PCSK6: variants seen among roughly 807,000 people sequenced by gnomAD.
PCSK6 encodes the protein proprotein convertase subtilisin/kexin type 6.
Under a neutral mutation model 123.3 loss-of-function variants are expected in PCSK6, and 85 were observed. The ratio of observed to expected loss-of-function variants is 0.69; its 90% CI spans 0.58 to 0.83. The LOEUF (loss-of-function observed/expected upper bound fraction) is 0.83, where lower values mean the gene tolerates loss of function less well. PCSK6 is among the 40% of genes least tolerant of loss of function. The pLI is 0.00. For missense variants in PCSK6, 1,191 were observed against 1,282.3 expected (o/e 0.93, Z 1.09); for synonymous variants, 508 against 516.0 (o/e 0.98, Z 0.21).
chr15:101,368,738 T>C (rs2041479480), intron 12 of PCSK6, among the ~76,000 whole-genome samples: 1 of 152,114 alleles, frequency 6.6e-6, no homozygotes, highest in African/African-American at 2.4e-5. Flanking sequence ...ACGGAAAACA[T>C]GGAGCACATG....
chr15:101,454,916 G>A (rs188812678), intron 1 of PCSK6, among the ~76,000 whole-genome samples: 1 of 151,962 alleles, frequency 6.6e-6, no homozygotes, highest in Non-Finnish European at 1.5e-5. Context: ...CTGCAGTCCA[G>A]CCTGGGCAAC....
In PCSK6 at chr15:101,313,439, G is replaced by A. The variant is rs1051896030; in HGVS notation, c.2636C>T (p.Pro879Leu). 22 of 1,612,386 alleles carry A rather than the reference G, an allele frequency of 1.4e-5. No homozygotes were observed. In the East Asian group the frequency reaches 4.9e-4, roughly 36 times the overall value. The change falls in exon 20 of 22, where the codon CCA becomes CTA. Residue 879 changes from proline to leucine, a missense_variant. Physicochemically the swap from Pro to Leu is moderately conservative, Grantham distance 98 (BLOSUM62 -3). Around this residue, in one of 3 missense-constraint regions of PCSK6, gnomAD observed 630 missense variants for 631.4 expected, o/e 1.00. Coordinates refer to ENST00000611716, the MANE Select transcript of PCSK6 (RefSeq NM_002570.5). ...TGGGTAGAAGCCCTCACCACAGGCT[G>A]GCACACACTTCCAGTCGTGGAAGTG... ...NFHFHDWKCV[P>L]ACGEGFYPEE...
At chr15:101,382,320 C>T in intron 10 of PCSK6, 111 bp from the exon 11 acceptor site, 5 of 829,890 alleles carry the variant, frequency 6.0e-6, no homozygotes, top group South Asian at 1.7e-5. Context: ...CCGTAAGACT[C>T]GAGGTCTCCT....
intron 1 of PCSK6, among the ~76,000 whole-genome samples, chr15:101,457,442 G>A (rs913986126): frequency 6.6e-6 from 1 of 152,222 alleles, no homozygotes; most frequent in African/African-American, 2.4e-5. Flanking sequence ...CACACAGAGA[G>A]CAGCCCCAGC....
intron 6 of PCSK6, among the ~76,000 whole-genome samples, chr15:101,421,398 C>G (rs755255466): frequency 6.6e-6 from 1 of 152,184 alleles, no homozygotes; most frequent in Non-Finnish European, 1.5e-5. Context: ...TCAAAAGGTG[C>G]GACCAAATTT....
chr15:101,388,935 C>T (rs1431956720), intron 9 of PCSK6, among the ~76,000 whole-genome samples: 1 of 152,074 alleles, frequency 6.6e-6, no homozygotes, highest in African/African-American at 2.4e-5. Context: ...AACTATGTCC[C>T]CTCCAAAATG....
At chr15:101,483,682 T>C (rs1317250581) in intron 1 of PCSK6, among the ~76,000 whole-genome samples, 1 of 152,206 alleles carries the variant, frequency 6.6e-6, no homozygotes, top group Non-Finnish European at 1.5e-5. Context: ...AGTCACAATG[T>C]CAAAGGTGAC....
chr15:101,345,225 C>A (rs954844837), intron 13 of PCSK6, among the ~76,000 whole-genome samples: 1 of 152,176 alleles, frequency 6.6e-6, no homozygotes, highest in Non-Finnish European at 1.5e-5. Context: ...ATTTAAAATT[C>A]TTTTCTGTGG....
chr15:101,416,095 C>T (rs1243314917), intron 6 of PCSK6, among the ~76,000 whole-genome samples: 2 of 152,138 alleles, frequency 1.3e-5, no homozygotes, highest in South Asian at 2.1e-4. Context: ...CAGAAGAAGA[C>T]AGGAAAATGT....
chr15:101,434,473 T>C (rs1242033266), intron 2 of PCSK6, among the ~76,000 whole-genome samples: 2 of 152,222 alleles, frequency 1.3e-5, no homozygotes, highest in Non-Finnish European at 2.9e-5. Flanking sequence ...ATAAGAGGGT[T>C]CCTCAGCAGG....
At chr15:101,344,585 G>A (rs2040689038) in intron 13 of PCSK6, among the ~76,000 whole-genome samples, 1 of 152,192 alleles carries the variant, frequency 6.6e-6, no homozygotes, top group Admixed American at 6.5e-5. Context: ...GGGAGTCTGT[G>A]GGGTGGAGGA....
chr15:101,480,774 C>T (rs1188876064), intron 1 of PCSK6, among the ~76,000 whole-genome samples: 1 of 152,180 alleles, frequency 6.6e-6, no homozygotes, highest in East Asian at 1.9e-4. Flanking sequence ...GCTGACCTGG[C>T]CAAGAGGCAA....
chr15:101,362,610 A>G (rs1014991925), intron 13 of PCSK6, among the ~76,000 whole-genome samples: 6 of 152,100 alleles, frequency 3.9e-5, no homozygotes, highest in African/African-American at 1.4e-4. Flanking sequence ...GGGCACTTCT[A>G]GAGGGGGTGA....
chr15:101,429,261 C>T (rs1169836074), intron 5 of PCSK6, among the ~76,000 whole-genome samples: 1 of 152,094 alleles, frequency 6.6e-6, no homozygotes, highest in Non-Finnish European at 1.5e-5. Flanking sequence ...AATGAATTCC[C>T]AGGACTGACC....
chr15:101,325,218 T>C (rs2040223921), intron 16 of PCSK6, among the ~76,000 whole-genome samples, 172 bp from the exon 17 acceptor site: 2 of 152,190 alleles, frequency 1.3e-5, no homozygotes, highest in Admixed American at 1.3e-4. Context: ...GTGGAGAGGC[T>C]GGAGGCCTTG....
At chr15:101,344,972 C>T (rs1183743440) in intron 13 of PCSK6, among the ~76,000 whole-genome samples, 1 of 152,146 alleles carries the variant, frequency 6.6e-6, no homozygotes, top group Non-Finnish European at 1.5e-5. Flanking sequence ...TTTTGTCTCT[C>T]AAGGGGAGCA....
chr15:101,368,160 C>A (rs2141459322), intron 12 of PCSK6, among the ~76,000 whole-genome samples: 1 of 152,330 alleles, frequency 6.6e-6, no homozygotes, highest in South Asian at 2.1e-4. Context: ...ACAGCACTAC[C>A]CAGCCAAGGG....
intron 1 of PCSK6, among the ~76,000 whole-genome samples, chr15:101,485,914 G>A (rs1875837050): frequency 6.6e-6 from 1 of 151,432 alleles, no homozygotes; most frequent in African/African-American, 2.4e-5. Context: ...ATGAGAGCCA[G>A]CCCTCCCATG....
intron 4 of PCSK6, 128 bp downstream of exon 4, chr15:101,431,192 A>T: frequency 1.1e-6 from 1 of 912,844 alleles, no homozygotes; most frequent in South Asian, 1.7e-5. Flanking sequence ...TTTCCAGCAT[A>T]GTTTTCTTTA....
Sources: allele counts gnomAD v4.1 joint callset (sites outside exome capture counted in the v4.1 genomes callset), GRCh38; gene constraint gnomAD v4.1.1; regional missense constraint gnomAD v4.1.1; transcripts MANE v1.5; gene names NCBI Gene and HGNC (gene_info 2026-07-23, HGNC 2026-07-21).